Variants in CEP63 observed in about 807,000 individuals in gnomAD.
The protein encoded by CEP63 is centrosomal protein of 63 kDa.
A neutral mutation model predicts 89.1 loss-of-function variants in CEP63; 84 were observed. The ratio of observed to expected loss-of-function variants is 0.94; its 90% CI spans 0.79 to 1.13. CEP63 has a LOEUF of 1.13. Among genes scored for constraint, CEP63 ranks in the 50% most tolerant of loss-of-function variants. The pLI is 0.00. For synonymous variants in CEP63, 267 were observed against 272.5 expected (o/e 0.98, Z 0.20); for missense variants, 838 against 813.3 (o/e 1.03, Z -0.37).
chr3:134,570,317 T>C (rs1411319436), intron 11 of CEP63, among the ~76,000 whole-genome samples: 1 of 152,244 alleles, frequency 6.6e-6, no homozygotes, highest in Admixed American at 6.5e-5. Context: ...TTTTATGCTC[T>C]GTTTCTCATT....
the CEP63 span, among the ~76,000 whole-genome samples, chr3:134,765,137 G>A: frequency 2.0e-5 from 3 of 152,300 alleles, no homozygotes; most frequent in Middle Eastern, 3.4e-3. Context: ...AGATGATGTC[G>A]ATGTTGCTGG....
the CEP63 span, among the ~76,000 whole-genome samples, chr3:134,749,473 G>A: frequency 1.3e-5 from 2 of 151,980 alleles, no homozygotes; most frequent in African/African-American, 2.4e-5. Context: ...AGGTATATGG[G>A]GTGGGGAGGA....
At chr3:134,520,107 A>G (rs1947123509) in intron 3 of CEP63, among the ~76,000 whole-genome samples, 1 of 152,216 alleles carries the variant, frequency 6.6e-6, no homozygotes, top group African/African-American at 2.4e-5. Flanking sequence ...AGAAAAATAA[A>G]TAAAAGACAT....
chr3:134,580,057 T>C (rs1452187325), intron 10 of CEP63, among the ~76,000 whole-genome samples: 1 of 152,236 alleles, frequency 6.6e-6, no homozygotes, highest in Non-Finnish European at 1.5e-5. Context: ...TAGCTGGGCA[T>C]GATGGTGGGT....
rs777174766 is a variant in CEP63 at position 134,537,171 on chromosome 3, C to T, written c.458C>T (p.Ser153Leu). 50 of 1,612,470 alleles carry T rather than the reference C, an allele frequency of 3.1e-5. No individual in the cohort carries two copies. The highest frequency in any genetic ancestry group is 3.3e-4 in the Middle Eastern group (2 of 6,076). ...CCTCCTCAGGAATTCCGTCAGAAAT[C>T]GCTGGACTGGGAGAAGCAACGCTTG... ...TAKIEEFRQKSLDWEKQRLIY... is the reference protein window; with the variant it reads ...TAKIEEFRQKLLDWEKQRLIY... The change falls in exon 6 of 15, where the codon TCG (serine) becomes TTG (leucine). Residue 153 changes from serine (S) to leucine (L), a missense_variant. By Grantham distance (145) the Ser-to-Leu change is moderately radical. Coordinates refer to ENST00000675561, the MANE Select transcript of CEP63 (RefSeq NM_001353108.3).
chr3:134,618,212 T>C, the CEP63 span, among the ~76,000 whole-genome samples: 1 of 151,710 alleles, frequency 6.6e-6, no homozygotes, highest in South Asian at 2.1e-4. Flanking sequence ...CAACAGGGGG[T>C]TTGGGCCAGG....
At chr3:134,656,036 A>G in the CEP63 span, among the ~76,000 whole-genome samples, 1 of 152,218 alleles carries the variant, frequency 6.6e-6, no homozygotes, top group Non-Finnish European at 1.5e-5. Context: ...TACACTGTAA[A>G]GAGAGCTTTC....
chr3:134,531,800 T>G, intron 3 of CEP63, 45 bp from the exon 4 acceptor site: 1 of 1,327,562 alleles, frequency 7.5e-7, no homozygotes, highest in Non-Finnish European at 1.1e-6. Context: ...AGGGATGTTA[T>G]TTCAATGCTA....
chr3:134,554,577 A>C (rs1181386887), intron 12 of CEP63, among the ~76,000 whole-genome samples: 9 of 149,852 alleles, frequency 6.0e-5, no homozygotes, highest in East Asian at 2.0e-4. Context: ...AGCATGATTT[A>C]TAGTCCTTTG....
the CEP63 span, among the ~76,000 whole-genome samples, chr3:134,670,212 T>C: frequency 3.3e-4 from 51 of 152,334 alleles, no homozygotes; most frequent in African/African-American, 1.1e-3. Context: ...CAAATATGAT[T>C]TTTGAGGCTC....
chr3:134,686,335 G>A, the CEP63 span, among the ~76,000 whole-genome samples: 1 of 152,128 alleles, frequency 6.6e-6, no homozygotes, highest in African/African-American at 2.4e-5. Context: ...AATTTCCCAG[G>A]CCTTCAGAAG....
intron 12 of CEP63, 101 bp from the exon 13 acceptor site, chr3:134,558,041 A>G: frequency 1.0e-6 from 1 of 966,048 alleles, no homozygotes. Context: ...CCATAGATTA[A>G]CTACTTACAA....
At chr3:134,659,920 C>T in the CEP63 span, among the ~76,000 whole-genome samples, 1 of 152,182 alleles carries the variant, frequency 6.6e-6, no homozygotes, top group Admixed American at 6.5e-5. Context: ...CCTTGCCTGT[C>T]CCCGGGGCAG....
At chr3:134,630,496 T>C in the CEP63 span, among the ~76,000 whole-genome samples, 3 of 152,184 alleles carry the variant, frequency 2.0e-5, no homozygotes. Context: ...CTCCAGCTTT[T>C]TGGGTAGAGG....
chr3:134,546,183 C>A lies in CEP63; in HGVS notation c.824C>A (p.Ala275Asp). 1 of 1,613,850 alleles carries A rather than the reference C, an allele frequency of 6.2e-7. No homozygotes were observed. The highest frequency in any genetic ancestry group is 8.5e-7 in the Non-Finnish European group (1 of 1,179,916). Residue 275 changes from alanine to aspartate, a missense_variant, in exon 8 of 15, where the codon GCT (alanine) becomes GAT (aspartate). By Grantham distance (126) the Ala-to-Asp change is moderately radical. Transcript: ENST00000675561. ...LQEEKRELKA[A>D]LQSQENLIHE... The stretch of plus-strand genomic sequence containing the variant: ...GAAGAAAAGAGAGAATTGAAGGCAG[C>A]TCTTCAGTCTCAAGAAAATCTCATA...
At chr3:134,507,031 C>A in intron 2 of CEP63, 78 bp from the exon 3 acceptor site, 1 of 984,594 alleles carries the variant, frequency 1.0e-6, no homozygotes, top group Non-Finnish European at 1.6e-6. Flanking sequence ...TTTACATCTG[C>A]TATATTTTTA....
chr3:134,703,251 G>A, the CEP63 span, among the ~76,000 whole-genome samples: 241 of 141,066 alleles, frequency 1.7e-3, no homozygotes, highest in African/African-American at 6.0e-3. Flanking sequence ...AGCCGAGATA[G>A]CGCCACTGCA....
At chr3:134,692,939 C>T in the CEP63 span, among the ~76,000 whole-genome samples, 7 of 152,254 alleles carry the variant, frequency 4.6e-5, no homozygotes, top group Non-Finnish European at 7.3e-5. Flanking sequence ...TTTCTTCCTT[C>T]TCTTTCTCGC....
the CEP63 span, among the ~76,000 whole-genome samples, chr3:134,665,588 G>T: frequency 6.6e-6 from 1 of 151,756 alleles, no homozygotes; most frequent in Non-Finnish European, 1.5e-5. Context: ...ATCTGTTCCC[G>T]GCCGCCAGCC....
Sources: gnomAD v4.1 joint callset for allele counts (sites outside exome capture counted in the v4.1 genomes callset) on GRCh38, gnomAD v4.1.1 for gene constraint, MANE v1.5 for transcripts, NCBI Gene and HGNC (gene_info 2026-07-23, HGNC 2026-07-21) for gene names.